The following MYO18B variants were observed in gnomAD, a reference collection of about 807,000 sequenced individuals.
The protein encoded by MYO18B is myosin XVIIIB, also known as unconventional myosin-XVIIIb.
In MYO18B, 204 loss-of-function variants were observed where a neutral mutation model predicts 273.0. The ratio of observed to expected loss-of-function variants is 0.75; its 90% CI spans 0.67 to 0.84. The LOEUF (loss-of-function observed/expected upper bound fraction) is 0.84, where lower values mean the gene tolerates loss of function less well. MYO18B is among the 40% of genes least tolerant of loss of function. The pLI is 0.00. For missense variants in MYO18B, 3,212 were observed against 3,287.6 expected (o/e 0.98, Z 0.56); for synonymous variants, 1,330 against 1,305.7 (o/e 1.02, Z -0.40).
intron 34 of MYO18B, among the ~76,000 whole-genome samples, chr22:25,929,352 T>C (rs1241340636): frequency 1.3e-5 from 2 of 152,160 alleles, no homozygotes; most frequent in South Asian, 4.1e-4. Context: ...TTTTCAGAGC[T>C]GATTTCTAAT....
At position 25,931,681 on chromosome 22, in the gene MYO18B, CTT is replaced by C. The variant is rs71311530; in HGVS notation, c.5517+10290_5517+10291del. ...TGCCTTTTCTTTTTTTTTCTTTTTT[CTT>C]TTTTTTTTTTTTTTTTTGAGACAGG... On this transcript the variant is annotated intron_variant, in intron 34 of 43. Coordinates refer to ENST00000335473, the MANE Select transcript of MYO18B (RefSeq NM_032608.7). Among the ~76,000 whole-genome samples the C allele has an allele frequency of 5.8e-3, 715 of 123,474 alleles. 2 individuals are homozygous for C. Among genetic ancestry groups the C allele is most frequent in the African/African-American group, 0.021 (674 of 31,794 alleles). 81.0% of individuals were successfully genotyped at this position (123,474 alleles called of 152,430 possible).
At chr22:26,033,669 C>T (rs1409833015), downstream of MYO18B, among the ~76,000 whole-genome samples, 1 of 152,176 alleles carries the variant, frequency 6.6e-6, no homozygotes, top group Admixed American at 6.5e-5. Flanking sequence ...CAACCCAACA[C>T]AGCCTGGAGC....
intron 34 of MYO18B, among the ~76,000 whole-genome samples, chr22:25,932,422 C>T (rs60524122): frequency 0.16 from 11,231 of 71,868 alleles, 1,516 homozygotes; most frequent in African/African-American, 0.38. Flanking sequence ...TTTTTTTTTT[C>T]TTTGAGACAC....
At chr22:25,890,262 G>A (rs2091620712) in intron 25 of MYO18B, among the ~76,000 whole-genome samples, 1 of 152,210 alleles carries the variant, frequency 6.6e-6, no homozygotes, top group South Asian at 2.1e-4. Context: ...ATAGGCCATG[G>A]GGCCATTGTA....
intron 1 of MYO18B, among the ~76,000 whole-genome samples, chr22:25,753,488 A>C (rs2343112): frequency 0.018 from 2,789 of 152,258 alleles, 100 homozygotes; most frequent in African/African-American, 0.064. Flanking sequence ...AGGGAATGAA[A>C]GCAGGCTGCC....
chr22:25,986,961 C>A (rs934228650), intron 39 of MYO18B, among the ~76,000 whole-genome samples: 1 of 152,086 alleles, frequency 6.6e-6, no homozygotes, highest in Non-Finnish European at 1.5e-5. Context: ...GGCTCTGTAA[C>A]ATTTTCTGCT....
intron 39 of MYO18B, among the ~76,000 whole-genome samples, chr22:25,980,765 C>T (rs945777248): frequency 6.6e-6 from 1 of 152,120 alleles, no homozygotes; most frequent in African/African-American, 2.4e-5. Flanking sequence ...GAAAAGAGCA[C>T]GTGGTGTTGT....
At chr22:26,028,794 A>G (rs935474439) in intron 43 of MYO18B, among the ~76,000 whole-genome samples, 4 of 151,186 alleles carry the variant, frequency 2.6e-5, no homozygotes, top group African/African-American at 9.7e-5. Flanking sequence ...AGGCTGAGGC[A>G]GGAAAATGGC....
intron 12 of MYO18B, among the ~76,000 whole-genome samples, chr22:25,799,473 T>G (rs7292491): frequency 0.85 from 129,900 of 152,124 alleles, 57,075 homozygotes; most frequent in Non-Finnish European, 0.97. Flanking sequence ...TGATTGTGAC[T>G]TTGTCTAGCT....
At chr22:25,801,791 G>C (rs2088207271) in intron 12 of MYO18B, among the ~76,000 whole-genome samples, 1 of 152,120 alleles carries the variant, frequency 6.6e-6, no homozygotes, top group Non-Finnish European at 1.5e-5. Flanking sequence ...GGACTGTTAC[G>C]ATGCCCATTT....
rs2331162 is a variant in MYO18B at position 25,826,538 on chromosome 22, G to A, written c.2786+39G>A. 0.7 allele frequency: 1,094,212 copies of A among 1,567,080 alleles called. 388,685 individuals are homozygous for A. The highest frequency in any genetic ancestry group is 0.72 in the South Asian group (64,083 of 88,436). ...TTCCTAGGCACACAGTTGGCCTCTT[G>A]CAGGTGCACAGATGAATTCACATAC... On this transcript the variant is annotated intron_variant, in intron 14 of 43. Coordinates refer to ENST00000335473, the MANE Select transcript of MYO18B (RefSeq NM_032608.7).
Position 26,027,601 on chromosome 22 carries a change from C to T in MYO18B, c.7627C>T (p.Pro2543Ser), listed in dbSNP as rs1261151059. The T allele has an allele frequency of 1.2e-6, 2 of 1,613,870 alleles. No individual in the cohort carries two copies. The highest frequency in any genetic ancestry group is 1.7e-6 in the Non-Finnish European group (2 of 1,179,862). ...LAGDGGERTS[P>S]ERREPGTGRK... ...GGGTGACGGTGGCGAGCGAACGTCC[C>T]CCGAGCGGAGAGAGCCAGGGACGGG... Residue 2543 changes from proline (P) to serine (S), a missense_variant, in exon 43 of 44, where the codon CCC becomes TCC. Physicochemically the swap from Pro to Ser is moderately conservative, Grantham distance 74. Transcript: ENST00000335473. This position sits in a 1 kb window ranked among gnomAD's most constrained non-coding sequence, Gnocchi z 4.1.
At position 25,846,132 on chromosome 22, in the gene MYO18B, C is replaced by T. The variant is rs375848862; in HGVS notation, c.3401C>T (p.Ala1134Val). 5 of 1,596,362 alleles carry T rather than the reference C, an allele frequency of 3.1e-6. No individual in the cohort carries two copies. Among genetic ancestry groups the T allele is most frequent in the Non-Finnish European group, 4.3e-6 (5 of 1,173,494 alleles). The change falls in exon 19 of 44, where the codon GCC becomes GTC. Residue 1134 changes from alanine (A) to valine (V), a missense_variant. Physicochemically the swap from Ala to Val is moderately conservative, Grantham distance 64. Transcript: ENST00000335473. ...CTGCGGAGTCTATTCCAGGCCCGGG[C>T]CAAGCTGCCTCCTGTGTGCCGGGCT... is the stretch of plus-strand genomic sequence containing the variant. ...EELRSLFQAR[A>V]KLPPVCRAVA...
chr22:25,835,981 C>T (rs1338517960), intron 17 of MYO18B, among the ~76,000 whole-genome samples: 4 of 152,124 alleles, frequency 2.6e-5, no homozygotes, highest in Non-Finnish European at 5.9e-5. Flanking sequence ...CTGGAAAGTT[C>T]CCTGAGGTTG....
At chr22:25,937,543 C>A (rs993891749) in intron 34 of MYO18B, among the ~76,000 whole-genome samples, 5 of 151,282 alleles carry the variant, frequency 3.3e-5, no homozygotes, top group Non-Finnish European at 5.9e-5. Context: ...TGTCATCAGA[C>A]TTCTGGGCTG....
intron 1 of MYO18B, among the ~76,000 whole-genome samples, chr22:25,750,376 A>G (rs1248919053): frequency 6.6e-6 from 1 of 152,236 alleles, no homozygotes; most frequent in Non-Finnish European, 1.5e-5. Flanking sequence ...GGAAGAGTCC[A>G]CAGGGTCAGC....
intron 33 of MYO18B, among the ~76,000 whole-genome samples, chr22:25,911,661 G>A (rs1392798816): frequency 6.6e-6 from 1 of 152,164 alleles, no homozygotes; most frequent in Non-Finnish European, 1.5e-5. Context: ...GGGATATCAC[G>A]CAGCATCCCT....
chr22:25,991,122 C>T (rs1251169369), intron 39 of MYO18B, among the ~76,000 whole-genome samples: 3 of 152,194 alleles, frequency 2.0e-5, no homozygotes, highest in Non-Finnish European at 4.4e-5. Flanking sequence ...ATCAAAGTGA[C>T]ACACTGTGAT....
Position 25,768,744 on chromosome 22 carries a change from G to C in MYO18B, c.828G>C (p.Gly276=). ...TRPQAQGPGE[G]VRPGKAEKEG... Reference sequence around the variant, plus strand: ...CCCAAGCCCAAGGGCCCGGCGAGGGGGTGCGACCAGGGAAAGCAGAGAAGG... The same window carrying C: ...CCCAAGCCCAAGGGCCCGGCGAGGGCGTGCGACCAGGGAAAGCAGAGAAGG... The change falls in exon 4 of 44, where the codon GGG becomes GGC. Residue 276 remains glycine, a synonymous_variant. Coordinates refer to ENST00000335473, the MANE Select transcript of MYO18B (RefSeq NM_032608.7). The C allele has an allele frequency of 6.2e-7, 1 of 1,603,796 alleles. No homozygotes were observed.
Sources: allele counts gnomAD v4.1 joint callset (sites outside exome capture counted in the v4.1 genomes callset), GRCh38; gene constraint gnomAD v4.1.1; non-coding constraint Gnocchi (gnomAD v3.1); transcripts MANE v1.5; gene names NCBI Gene and HGNC (gene_info 2026-07-23, HGNC 2026-07-21).